Variants in EYS observed in about 807,000 individuals in gnomAD.
EYS encodes the protein EGF-like photoreceptor maintenance factor, also known as protein eyes shut homolog.
Under a neutral mutation model 282.1 loss-of-function variants are expected in EYS, and 250 were observed. That is an observed-to-expected ratio of 0.89 (90% CI 0.80 to 0.98). The LOEUF (loss-of-function observed/expected upper bound fraction) is 0.98, where lower values mean the gene tolerates loss of function less well. Among genes scored for constraint, EYS ranks in the 50% least tolerant of loss-of-function variants. The pLI is 0.00. For synonymous variants in EYS, 1,355 were observed against 1,282.9 expected (o/e 1.06, Z -1.20); for missense variants, 4,016 against 3,709.0 (o/e 1.08, Z -2.15).
intron 29 of EYS, among the ~76,000 whole-genome samples, chr6:64,322,477 T>C (rs1770250118): frequency 6.6e-6 from 1 of 152,006 alleles, no homozygotes; most frequent in Admixed American, 6.6e-5. Flanking sequence ...TTACAGGCTA[T>C]AGGGAACTAC....
chr6:64,913,530 TAA>T (rs1358651730), intron 15 of EYS, among the ~76,000 whole-genome samples: 2 of 152,154 alleles, frequency 1.3e-5, no homozygotes, highest in Non-Finnish European at 2.9e-5. Flanking sequence ...GTTTCTGCAT[TAA>T]TTCACTAAGG....
chr6:63,807,668 G>A (rs1315534656), intron 36 of EYS, among the ~76,000 whole-genome samples: 1 of 152,048 alleles, frequency 6.6e-6, no homozygotes, highest in African/African-American at 2.4e-5. Context: ...TATTCCCTGG[G>A]ATGTGTGGCA....
chr6:65,253,831 T>C (rs1469990828), intron 12 of EYS, among the ~76,000 whole-genome samples: 1 of 151,798 alleles, frequency 6.6e-6, no homozygotes, highest in Non-Finnish European at 1.5e-5. Context: ...TTTCTTTTTA[T>C]TACGTAGTGA....
chr6:65,205,078 T>G (rs959897235), intron 12 of EYS, among the ~76,000 whole-genome samples: 2 of 145,336 alleles, frequency 1.4e-5, no homozygotes, highest in Non-Finnish European at 3.0e-5. Context: ...TAGAAGAATA[T>G]ATTTATATAT....
chr6:65,450,488 G>A (rs1264073867), intron 5 of EYS, among the ~76,000 whole-genome samples: 1 of 152,130 alleles, frequency 6.6e-6, no homozygotes, highest in Non-Finnish European at 1.5e-5. Flanking sequence ...CCTGACAGAG[G>A]TAGAAGTGGA....
chr6:63,749,980 T>C (rs189339664), intron 41 of EYS, among the ~76,000 whole-genome samples: 30 of 152,314 alleles, frequency 2.0e-4, no homozygotes, highest in Admixed American at 4.6e-4. Context: ...CTCAATAATT[T>C]TAAATGACCT....
intron 2 of EYS, among the ~76,000 whole-genome samples, chr6:65,500,436 A>T (rs760829747): frequency 1.3e-5 from 2 of 152,020 alleles, no homozygotes; most frequent in Non-Finnish European, 2.9e-5. Context: ...ATATTTCATT[A>T]TCATAATGGT....
intron 30 of EYS, among the ~76,000 whole-genome samples, chr6:64,245,572 T>G (rs1766984252): frequency 6.6e-6 from 1 of 152,216 alleles, no homozygotes; most frequent in South Asian, 2.1e-4. Flanking sequence ...AAAAAAATTC[T>G]GTATCTGATA....
At chr6:64,258,701 G>A (rs1355247285) in intron 30 of EYS, among the ~76,000 whole-genome samples, 1 of 152,046 alleles carries the variant, frequency 6.6e-6, no homozygotes, top group Non-Finnish European at 1.5e-5. Flanking sequence ...AAATGTCTCA[G>A]TACTTCTAGG....
intron 22 of EYS, among the ~76,000 whole-genome samples, chr6:64,808,804 T>A (rs1764511681): frequency 6.6e-6 from 1 of 152,122 alleles, no homozygotes; most frequent in Admixed American, 6.6e-5. Flanking sequence ...TGTACCATTG[T>A]CTTAGTTCTA....
intron 13 of EYS, among the ~76,000 whole-genome samples, chr6:65,008,462 A>AT (rs1220524399): frequency 7.3e-6 from 1 of 137,688 alleles, no homozygotes; most frequent in Non-Finnish European, 1.5e-5. Context: ...GACAAATGGG[A>AT]TAAAAAAAAA....
rs111229017 is a variant in EYS at position 65,211,711 on chromosome 6, G to C, written c.2023+84152C>G. Among the ~76,000 whole-genome samples the C allele has an allele frequency of 5.5e-3, 833 of 151,932 alleles. 8 individuals are homozygous for C. The highest frequency in any genetic ancestry group is 0.019 in the African/African-American group (788 of 41,472). Reference sequence around the variant, plus strand: ...GAATTGTGTTCTGGTAAACAGAGTAGAGAGAAAGGAATATCTGTAGGAGGG... The same window carrying C: ...GAATTGTGTTCTGGTAAACAGAGTACAGAGAAAGGAATATCTGTAGGAGGG... On this transcript the variant is annotated intron_variant, in intron 12 of 42. Transcript: ENST00000503581.
chr6:65,063,993 T>C (rs1202862018), intron 12 of EYS, among the ~76,000 whole-genome samples: 1 of 151,352 alleles, frequency 6.6e-6, no homozygotes, highest in Non-Finnish European at 1.5e-5. Flanking sequence ...CTTTGTTGGA[T>C]GGAAGAATTT....
At chr6:63,964,312 G>T (rs1208549506) in intron 35 of EYS, among the ~76,000 whole-genome samples, 1 of 152,118 alleles carries the variant, frequency 6.6e-6, no homozygotes, top group African/African-American at 2.4e-5. Flanking sequence ...AGATCTTAAA[G>T]CCTACTGTTA....
At chr6:64,968,828 G>A (rs1285916079) in intron 14 of EYS, among the ~76,000 whole-genome samples, 1 of 119,998 alleles carries the variant, frequency 8.3e-6, no homozygotes, top group Non-Finnish European at 2.0e-5. Flanking sequence ...TCTTTGCCTA[G>A]GACCTGTCCT....
At chr6:65,540,967 C>A (rs1395025857) in intron 2 of EYS, among the ~76,000 whole-genome samples, 1 of 152,058 alleles carries the variant, frequency 6.6e-6, no homozygotes, top group Middle Eastern at 3.2e-3. Flanking sequence ...TACCATAAAA[C>A]TGACATAAGT....
At chr6:63,973,682 G>A (rs1293357424) in intron 35 of EYS, among the ~76,000 whole-genome samples, 1 of 152,070 alleles carries the variant, frequency 6.6e-6, no homozygotes. Context: ...GACAACACTT[G>A]GTAATTATTA....
In EYS at chr6:64,813,496, A is replaced by G. The variant is rs988755186; in HGVS notation, c.3325T>C (p.Tyr1109His). ...CTTTTTTCACAGTATGCACCAGTGT[A>G]TCCACGTGGGCAAATGCAAGTAAAT... is the stretch of plus-strand genomic sequence containing the variant. ...HGFTCICPRG[Y>H]TGAYCEKSID... Residue 1109 changes from tyrosine to histidine, a missense_variant, in exon 22 of 43, where the codon TAC (tyrosine) becomes CAC (histidine). Tyr to His is a moderately conservative substitution (Grantham distance 83, BLOSUM62 2). Transcript: ENST00000503581. 2 of 1,550,258 alleles carry G rather than the reference A, an allele frequency of 1.3e-6. No homozygotes were observed. The highest frequency in any genetic ancestry group is 3.3e-4 in the Middle Eastern group (2 of 5,984).
chr6:65,388,644 T>C (rs1765888314), intron 7 of EYS, among the ~76,000 whole-genome samples: 1 of 152,026 alleles, frequency 6.6e-6, no homozygotes, highest in South Asian at 2.1e-4. Context: ...TAGTAGGAGA[T>C]GGTGGCAGAG....
Sources: allele counts gnomAD v4.1 joint callset (sites outside exome capture counted in the v4.1 genomes callset), GRCh38; gene constraint gnomAD v4.1.1; transcripts MANE v1.5; gene names NCBI Gene and HGNC (gene_info 2026-07-23, HGNC 2026-07-21).